Variants in NBAS observed in about 807,000 individuals in gnomAD.
The protein encoded by NBAS is NAG/BC035112 fusion.
NBAS carries 219 observed loss-of-function variants against 302.5 expected under a neutral mutation model. The observed-to-expected ratio is 0.72, with a 90% CI of 0.65 to 0.81. The LOEUF (loss-of-function observed/expected upper bound fraction) is 0.81, where lower values mean the gene tolerates loss of function less well. Among genes scored for constraint, NBAS ranks in the 30% least tolerant of loss-of-function variants. The probability of loss-of-function intolerance (pLI) is 0.00; values close to 1 mark genes in which losing one functional copy is unlikely to be tolerated. For synonymous variants in NBAS, 1,118 were observed against 1,021.6 expected (o/e 1.09, Z -1.80); for missense variants, 2,932 against 2,841.6 (o/e 1.03, Z -0.72).
the NBAS span, among the ~76,000 whole-genome samples, chr2:14,795,098 T>A: frequency 6.6e-6 from 1 of 152,216 alleles, no homozygotes; most frequent in Non-Finnish European, 1.5e-5. Context: ...TATGCTCTTG[T>A]TTGTCTTAGG....
intron 21 of NBAS, among the ~76,000 whole-genome samples, chr2:15,437,195 G>GCT (rs1678066289): frequency 6.6e-6 from 1 of 151,700 alleles, no homozygotes; most frequent in Non-Finnish European, 1.5e-5. Flanking sequence ...AAAGAGATGT[G>GCT]GAATTTAGCT....
chr2:14,920,393 T>C, the NBAS span, among the ~76,000 whole-genome samples: 1 of 152,322 alleles, frequency 6.6e-6, no homozygotes, highest in South Asian at 2.1e-4. Flanking sequence ...TCTTAAGGGC[T>C]TTAGGATTTT....
At chr2:15,506,837 T>C (rs764844988) in intron 10 of NBAS, among the ~76,000 whole-genome samples, 2 of 152,148 alleles carry the variant, frequency 1.3e-5, no homozygotes, top group African/African-American at 4.8e-5. Context: ...GATTTTTGTA[T>C]AAGCAATTAG....
intron 12 of NBAS, among the ~76,000 whole-genome samples, chr2:15,487,045 C>A (rs1680659630): frequency 6.6e-6 from 1 of 152,050 alleles, no homozygotes; most frequent in African/African-American, 2.4e-5. Flanking sequence ...ATTAAGAGTG[C>A]TTCAGAAATT....
chr2:14,986,393 C>A, the NBAS span, among the ~76,000 whole-genome samples: 13,550 of 152,032 alleles, frequency 0.089, 1,562 homozygotes, highest in African/African-American at 0.26. Flanking sequence ...GGTTGTTAAA[C>A]AATTAATCTA....
the NBAS span, among the ~76,000 whole-genome samples, chr2:15,022,521 C>G: frequency 6.6e-6 from 1 of 152,106 alleles, no homozygotes; most frequent in Non-Finnish European, 1.5e-5. Flanking sequence ...TTTTAACATA[C>G]CCCCTAAAGA....
In NBAS at chr2:15,467,323, C is replaced by T. The variant is rs745651097; in HGVS notation, c.2097+6G>A. 6.2e-7 allele frequency: 1 copy of T among 1,600,902 alleles called. No homozygotes were observed. Among genetic ancestry groups the T allele is most frequent in the East Asian group, 2.2e-5 (1 of 44,732 alleles). On this transcript the variant is annotated splice_donor_region_variant and intron_variant, in intron 19 of 51. Coordinates refer to ENST00000281513, the MANE Select transcript of NBAS (RefSeq NM_015909.4). ...CATAATTGGTTTGACAAAAATTATT[C>T]ATTACCTCATATGTTGCAAGTCGAT...
At chr2:15,398,117 G>GT (rs1466315349) in intron 26 of NBAS, among the ~76,000 whole-genome samples, 7 of 135,492 alleles carry the variant, frequency 5.2e-5, no homozygotes, top group African/African-American at 1.7e-4. Context: ...GTTTGTGTAT[G>GT]TTTTTTTGTT....
chr2:15,370,726 C>T (rs1465929371), intron 31 of NBAS, among the ~76,000 whole-genome samples: 1 of 152,164 alleles, frequency 6.6e-6, no homozygotes, highest in Non-Finnish European at 1.5e-5. Flanking sequence ...GGCCTGTGGC[C>T]CCTTTGCTTT....
downstream of NBAS, among the ~76,000 whole-genome samples, chr2:15,162,838 T>C (rs150520724): frequency 2.6e-5 from 4 of 152,342 alleles, no homozygotes; most frequent in Non-Finnish European, 5.9e-5. Context: ...AAATACTGAA[T>C]TCCCAGCTGT....
At chr2:14,819,161 T>C in the NBAS span, among the ~76,000 whole-genome samples, 1 of 152,216 alleles carries the variant, frequency 6.6e-6, no homozygotes, top group African/African-American at 2.4e-5. Flanking sequence ...TGACTTAGTG[T>C]TTATTTCTGT....
chr2:15,135,987 T>C, the NBAS span, among the ~76,000 whole-genome samples: 3 of 151,826 alleles, frequency 2.0e-5, no homozygotes, highest in African/African-American at 7.3e-5. Context: ...TGAAGAAGCA[T>C]GCTGTGGAGC....
chr2:15,419,799 C>A (rs2148468617), intron 23 of NBAS, among the ~76,000 whole-genome samples: 1 of 152,052 alleles, frequency 6.6e-6, no homozygotes, highest in South Asian at 2.1e-4. Flanking sequence ...GCAAGCTCTG[C>A]CTCCTGGGTT....
At chr2:15,221,948 C>T (rs1287730737) in intron 47 of NBAS, among the ~76,000 whole-genome samples, 1 of 152,174 alleles carries the variant, frequency 6.6e-6, no homozygotes, top group Admixed American at 6.5e-5. Flanking sequence ...CCACATTTGC[C>T]ACTTCCTAAC....
the NBAS span, among the ~76,000 whole-genome samples, chr2:15,159,786 TAC>T: frequency 2.1e-5 from 3 of 144,860 alleles, no homozygotes; most frequent in Non-Finnish European, 3.0e-5. Context: ...TTACCAGTCA[TAC>T]ACACACACAC....
chr2:15,034,086 AGAAGAG>A, the NBAS span, among the ~76,000 whole-genome samples: 6 of 146,112 alleles, frequency 4.1e-5, no homozygotes, highest in African/African-American at 7.7e-5. Context: ...AAGAAGAAGA[AGAAGAG>A]GAGGAGGAGA....
At chr2:15,467,532 G>C (rs1299835288) in intron 18 of NBAS, 125 bp from the exon 19 acceptor site, 1 of 1,275,786 alleles carries the variant, frequency 7.8e-7, no homozygotes, top group African/African-American at 1.5e-5. Flanking sequence ...AAAGCACAAG[G>C]GTAAGATAAT....
chr2:14,799,475 T>G, the NBAS span, among the ~76,000 whole-genome samples: 2 of 152,142 alleles, frequency 1.3e-5, no homozygotes. Flanking sequence ...AATGGCCTAC[T>G]ATATGGTCGA....
Position 15,328,310 on chromosome 2 carries a change from C to A in NBAS, c.4350G>T (p.Gly1450=), listed in dbSNP as rs766391571. Residue 1450 remains glycine (G), a splice_region_variant and synonymous_variant, in exon 37 of 52, where the codon GGG becomes GGT. Coordinates refer to ENST00000281513, the MANE Select transcript of NBAS (RefSeq NM_015909.4). ...TTTGATATGCACCACCACATTTTTG[C>A]CCCTAAAAAGAAAAAAAGTACAGAA... ...KSLTYLRPLQ[G]QKCGGAYQIG... 1.2e-6 allele frequency: 2 copies of A among 1,612,572 alleles called. No homozygotes were observed. Among genetic ancestry groups the A allele is most frequent in the South Asian group, 1.1e-5 (1 of 91,006 alleles).
Sources: gnomAD v4.1 joint callset for allele counts (sites outside exome capture counted in the v4.1 genomes callset) on GRCh38, gnomAD v4.1.1 for gene constraint, MANE v1.5 for transcripts, NCBI Gene and HGNC (gene_info 2026-07-23, HGNC 2026-07-21) for gene names.